Variants in ANKDD1B observed in about 807,000 individuals in gnomAD.
The protein encoded by ANKDD1B is ankyrin repeat and death domain containing 1B.
In ANKDD1B, 57 loss-of-function variants were observed where a neutral mutation model predicts 59.7. The ratio of observed to expected loss-of-function variants is 0.95; its 90% confidence interval spans 0.77 to 1.19. The LOEUF (loss-of-function observed/expected upper bound fraction) is 1.19. ANKDD1B is among the 50% of genes most tolerant of loss of function. The pLI, the probability that ANKDD1B is intolerant of heterozygous loss-of-function variation, is 0.00. For synonymous variants in ANKDD1B, 216 were observed against 239.5 expected, an observed-to-expected ratio of 0.90 and a Z score of 0.91; for missense variants, 602 against 641.9, an observed-to-expected ratio of 0.94 and a Z score of 0.67.
At chr5:75,619,122 C>T (rs192939979) in intron 2 of ANKDD1B, among the ~76,000 whole-genome samples, 218 of 152,296 alleles carry the variant, frequency 1.4e-3, no homozygotes, top group Non-Finnish European at 1.7e-3. Context: ...AATGGAGTCA[C>T]CGATATTAAG....
At chr5:75,613,586 AG>A (rs1212595113) in intron 1 of ANKDD1B, among the ~76,000 whole-genome samples, 1 of 152,206 alleles carries the variant, frequency 6.6e-6, no homozygotes, top group African/African-American at 2.4e-5. Flanking sequence ...GTATTAACTG[AG>A]AATTAGGTGA....
At chr5:75,652,012 C>T (rs1169944366) in intron 7 of ANKDD1B, among the ~76,000 whole-genome samples, 3 of 152,130 alleles carry the variant, frequency 2.0e-5, no homozygotes, top group Non-Finnish European at 2.9e-5. Context: ...ACCCAGGGTT[C>T]ATCTGGATTC....
intron 9 of ANKDD1B, 40 bp downstream of exon 9, chr5:75,656,167 T>C: frequency 1.0e-6 from 1 of 985,438 alleles, no homozygotes; most frequent in Non-Finnish European, 1.5e-6. Flanking sequence ...TCTCTTTTCT[T>C]AGTTTCAACA....
At chr5:75,622,481 C>G (rs543045656) in intron 3 of ANKDD1B, among the ~76,000 whole-genome samples, 2 of 152,240 alleles carry the variant, frequency 1.3e-5, no homozygotes, top group South Asian at 4.1e-4. Flanking sequence ...TGCTAGGGAC[C>G]AAAGTGAGCA....
intron 11 of ANKDD1B, among the ~76,000 whole-genome samples, chr5:75,663,978 C>G (rs762933590): frequency 2.0e-5 from 3 of 152,352 alleles, no homozygotes; most frequent in Admixed American, 6.5e-5. Context: ...GTAAGTCATT[C>G]TTTTTGCTGT....
At chr5:75,615,726 A>G (rs1189259435) in intron 1 of ANKDD1B, among the ~76,000 whole-genome samples, 1 of 151,434 alleles carries the variant, frequency 6.6e-6, no homozygotes, top group African/African-American at 2.4e-5. Flanking sequence ...TCTTATAGGG[A>G]CACCAATCAT....
chr5:75,651,617 T>C (rs1774833979), intron 7 of ANKDD1B, among the ~76,000 whole-genome samples: 1 of 152,190 alleles, frequency 6.6e-6, no homozygotes, highest in Admixed American at 6.5e-5. Context: ...CAGTCCTTTC[T>C]TGGGGCTAAT....
chr5:75,661,899 AT>A (rs35120763), intron 10 of ANKDD1B, among the ~76,000 whole-genome samples: 11,869 of 92,342 alleles, frequency 0.13, 220 homozygotes, highest in East Asian at 0.17. Context: ...GGCTCCCACA[AT>A]TTTTTTTTTT....
intron 8 of ANKDD1B, 39 bp from the exon 9 acceptor site, chr5:75,655,990 A>G: frequency 1.0e-6 from 1 of 956,296 alleles, no homozygotes; most frequent in Middle Eastern, 2.1e-4. Flanking sequence ...TGTTGAAGCC[A>G]GAACCTTCTG....
intron 2 of ANKDD1B, among the ~76,000 whole-genome samples, chr5:75,619,779 T>G (rs1412651278): frequency 6.6e-6 from 1 of 152,222 alleles, no homozygotes; most frequent in African/African-American, 2.4e-5. Flanking sequence ...CCTTCTGTCT[T>G]TCTTTCCTTC....
At chr5:75,634,557 A>G (rs1774248203) in intron 5 of ANKDD1B, 1 of 179,140 alleles carries the variant, frequency 5.6e-6, no homozygotes, top group Non-Finnish European at 1.2e-5. Flanking sequence ...ATGGTGAAAT[A>G]ACTATGGAAT....
At position 75,653,208 on chromosome 5, in the gene ANKDD1B, A is replaced by G. The variant is rs1363618458; in HGVS notation, c.865A>G (p.Ser289Gly). Reference protein sequence around the residue: ...GHASLVNFLLSENVDLHQKVE... With the variant: ...GHASLVNFLLGENVDLHQKVE... Reference sequence around the variant, plus strand: ...TGCATCCCTTGTCAACTTTCTTCTCAGTGAGAACGTTGATCTGCACCAGAA... The same window carrying G: ...TGCATCCCTTGTCAACTTTCTTCTCGGTGAGAACGTTGATCTGCACCAGAA... Residue 289 changes from serine to glycine, a missense_variant, in exon 8 of 14, where the codon AGT becomes GGT. Physicochemically the swap from Ser to Gly is moderately conservative, Grantham distance 56. Coordinates refer to ENST00000601380, the MANE Select transcript of ANKDD1B (RefSeq NM_001276713.2). 7 of 1,535,938 alleles carry G rather than the reference A, an allele frequency of 4.6e-6. No homozygotes were observed. The African/African-American group carries it at 9.6e-5, about 21-fold the overall frequency.
At chr5:75,657,416 CTCT>C (rs201044992) in intron 9 of ANKDD1B, among the ~76,000 whole-genome samples, 2,739 of 152,150 alleles carry the variant, frequency 0.018, 89 homozygotes, top group African/African-American at 0.063. Context: ...AGAAAGATAA[CTCT>C]TCTTAATGTT....
chr5:75,648,247 T>G (rs1774698771), intron 7 of ANKDD1B, among the ~76,000 whole-genome samples: 1 of 24,660 alleles, frequency 4.1e-5, no homozygotes, highest in African/African-American at 1.2e-4. Context: ...AAACTTAAAG[T>G]ATAATTAAAA....
chr5:75,616,489 C>A (rs560410795), intron 1 of ANKDD1B, among the ~76,000 whole-genome samples: 1 of 152,228 alleles, frequency 6.6e-6, no homozygotes, highest in South Asian at 2.1e-4. Flanking sequence ...ACAATGCCCC[C>A]TGGGAAGTCT....
rs187300689 is a variant in ANKDD1B at position 75,654,710 on chromosome 5, G to A, written c.898-1319G>A. On this transcript the variant is annotated intron_variant, in intron 8 of 13. Coordinates refer to ENST00000601380, the MANE Select transcript of ANKDD1B (RefSeq NM_001276713.2). ...AAAATAAATAAAAGAAACAGTTGGG[G>A]AAGTGAATGTGTAATAAGCACCACG... Among the ~76,000 whole-genome samples, 38 of 152,294 alleles carry A rather than the reference G, an allele frequency of 2.5e-4. 1 individual carries two copies. The highest frequency in any genetic ancestry group is 8.9e-4 in the African/African-American group (37 of 41,558).
intron 6 of ANKDD1B, 107 bp downstream of exon 6, chr5:75,635,103 G>A (rs1185934397): frequency 2.9e-6 from 2 of 691,268 alleles, no homozygotes; most frequent in South Asian, 1.8e-5. Context: ...GTTTTAGTCA[G>A]CAGGAGAGTT....
intron 9 of ANKDD1B, among the ~76,000 whole-genome samples, 185 bp from the exon 10 acceptor site, chr5:75,659,098 T>G (rs1201962773): frequency 7.2e-5 from 11 of 152,182 alleles, no homozygotes; most frequent in Non-Finnish European, 1.6e-4. Flanking sequence ...ATCTAGTGAG[T>G]CTCCTTGTTA....
At chr5:75,615,957 G>A (rs1011516830) in intron 1 of ANKDD1B, among the ~76,000 whole-genome samples, 7 of 152,056 alleles carry the variant, frequency 4.6e-5, no homozygotes, top group South Asian at 2.1e-4. Flanking sequence ...TCTTTGCTTC[G>A]GCAAAAACTT....
Sources: gnomAD v4.1 joint callset for allele counts (sites outside exome capture counted in the v4.1 genomes callset) on GRCh38, gnomAD v4.1.1 for gene constraint, MANE v1.5 for transcripts, NCBI Gene and HGNC (gene_info 2026-07-23, HGNC 2026-07-21) for gene names.